Variants in MKLN1 observed in about 807,000 individuals in gnomAD.
MKLN1 encodes the protein muskelin.
A neutral mutation model predicts 99.0 loss-of-function variants in MKLN1; 18 were observed. The observed-to-expected ratio is 0.18, with a 90% CI of 0.13 to 0.27. MKLN1 has a LOEUF of 0.27. MKLN1 is among the 10% of genes least tolerant of loss of function. The probability of loss-of-function intolerance (pLI) is 1.00; values close to 1 mark genes in which losing one functional copy is unlikely to be tolerated. For missense variants in MKLN1, 621 were observed against 875.9 expected (o/e 0.71, Z 3.67); for synonymous variants, 288 against 293.2 (o/e 0.98, Z 0.18).
At chr7:131,203,654 A>G (rs1796763111) in intron 3 of MKLN1, among the ~76,000 whole-genome samples, 1 of 152,210 alleles carries the variant, frequency 6.6e-6, no homozygotes, top group South Asian at 2.1e-4. Context: ...AAATTGGATT[A>G]TTTTAGAAAG....
chr7:131,487,743 G>A lies in MKLN1; in HGVS notation c.*15G>A. 1.9e-6 allele frequency: 3 copies of A among 1,606,402 alleles called. No homozygotes were observed. The highest frequency in any genetic ancestry group is 2.5e-6 in the Non-Finnish European group (3 of 1,177,344). On this transcript the variant is annotated 3_prime_UTR_variant, in exon 18 of 18. Coordinates refer to ENST00000352689, the MANE Select transcript of MKLN1 (RefSeq NM_013255.5). This position sits in a 1 kb window ranked among gnomAD's most constrained non-coding sequence, Gnocchi z 4.7. The stretch of plus-strand genomic sequence containing the variant: ...TCACACTGTAACTGAAGAGTCACTG[G>A]ACACAGAAATGGAAAACAGGAGTCG...
chr7:131,240,143 T>C (rs1403393309), intron 3 of MKLN1, among the ~76,000 whole-genome samples: 2 of 152,182 alleles, frequency 1.3e-5, no homozygotes, highest in East Asian at 3.8e-4. Context: ...ATCATGCCAC[T>C]GTACTCCAGC....
intron 3 of MKLN1, among the ~76,000 whole-genome samples, chr7:131,309,263 C>G (rs894097912): frequency 6.6e-6 from 1 of 152,166 alleles, no homozygotes; most frequent in Non-Finnish European, 1.5e-5. Context: ...TTTTATCTTA[C>G]CATTGTTGAC....
intron 9 of MKLN1, 48 bp from the exon 10 acceptor site, chr7:131,437,737 T>G: frequency 7.3e-7 from 1 of 1,361,100 alleles, no homozygotes; most frequent in Non-Finnish European, 1.0e-6. Flanking sequence ...TTTGATTTTT[T>G]TTTGCTCTTT....
In MKLN1 at chr7:131,487,466, G is replaced by A. The variant is rs757471381; in HGVS notation, c.2087-141G>A. On this transcript the variant is annotated intron_variant, in intron 17 of 17. Coordinates refer to ENST00000352689, the MANE Select transcript of MKLN1 (RefSeq NM_013255.5). This position sits in a 1 kb window ranked among gnomAD's most constrained non-coding sequence, Gnocchi z 4.7. ...CACACCACAGCCAGGTAGTAGAACT[G>A]GGGTCAGATCAGTAGTGTCTGCCTG... 1.5e-5 allele frequency: 12 copies of A among 810,296 alleles called. No individual in the cohort carries two copies. The highest frequency in any genetic ancestry group is 2.0e-5 in the Non-Finnish European group (11 of 537,670). The allele number at this position is 810,296 out of a possible 1,614,324, so 50.2% of individuals were successfully genotyped here.
chr7:131,254,320 A>T (rs1456100691), intron 3 of MKLN1, among the ~76,000 whole-genome samples: 3 of 152,236 alleles, frequency 2.0e-5, no homozygotes, highest in Non-Finnish European at 2.9e-5. Context: ...AAGTATCAGT[A>T]TTCAGAGTTG....
intron 3 of MKLN1, among the ~76,000 whole-genome samples, chr7:131,209,664 T>A (rs930012825): frequency 1.3e-5 from 2 of 152,202 alleles, no homozygotes; most frequent in African/African-American, 4.8e-5. Flanking sequence ...GCCCTGACTT[T>A]GTTTAGGATG....
At chr7:131,455,266 C>G (rs1318491640) in intron 12 of MKLN1, among the ~76,000 whole-genome samples, 1 of 152,054 alleles carries the variant, frequency 6.6e-6, no homozygotes, top group African/African-American at 2.4e-5. Context: ...TTTTATCCCC[C>G]CTCCCACAGG....
intron 4 of MKLN1, among the ~76,000 whole-genome samples, chr7:131,394,834 G>T (rs539959344): frequency 6.6e-6 from 1 of 151,992 alleles, no homozygotes; most frequent in Non-Finnish European, 1.5e-5. Context: ...CAGTGAATCT[G>T]TTGTTACATT....
At chr7:131,368,743 C>G (rs2116827171) in intron 1 of MKLN1, among the ~76,000 whole-genome samples, 1 of 152,176 alleles carries the variant, frequency 6.6e-6, no homozygotes, top group East Asian at 1.9e-4. Flanking sequence ...AGAGTCAAAC[C>G]ATATCAGATT....
intron 1 of MKLN1, among the ~76,000 whole-genome samples, chr7:131,344,518 C>T (rs889873104): frequency 5.9e-5 from 9 of 152,280 alleles, no homozygotes; most frequent in South Asian, 4.1e-4. Flanking sequence ...CAAATTCAGG[C>T]ATGCTTATCC....
At chr7:131,403,285 C>G (rs557668052) in intron 6 of MKLN1, among the ~76,000 whole-genome samples, 1 of 152,306 alleles carries the variant, frequency 6.6e-6, no homozygotes, top group South Asian at 2.1e-4. Flanking sequence ...TAGCTTCCAA[C>G]TTTTCTTTTG....
intron 1 of MKLN1, among the ~76,000 whole-genome samples, chr7:131,338,999 C>T (rs1348791264): frequency 2.0e-5 from 3 of 152,166 alleles, no homozygotes; most frequent in Non-Finnish European, 2.9e-5. Context: ...TATTTTTTCT[C>T]TTCCTTATAG....
At chr7:131,232,932 G>A (rs1418791191) in intron 3 of MKLN1, among the ~76,000 whole-genome samples, 1 of 152,144 alleles carries the variant, frequency 6.6e-6, no homozygotes, top group Non-Finnish European at 1.5e-5. Context: ...TGAGTATGAT[G>A]CTCACTTTAT....
intron 4 of MKLN1, among the ~76,000 whole-genome samples, chr7:131,394,624 C>T (rs924629147): frequency 6.6e-6 from 1 of 151,974 alleles, no homozygotes; most frequent in East Asian, 1.9e-4. Flanking sequence ...AGGTTTGGGC[C>T]TGGGGGTTTG....
At chr7:131,171,444 T>C (rs924795128) in intron 2 of MKLN1, among the ~76,000 whole-genome samples, 12 of 152,038 alleles carry the variant, frequency 7.9e-5, no homozygotes, top group African/African-American at 2.9e-4. Flanking sequence ...TTCTTTATTA[T>C]TGTTTAAATA....
At chr7:131,170,115 C>T (rs942587331) in intron 2 of MKLN1, among the ~76,000 whole-genome samples, 1 of 151,956 alleles carries the variant, frequency 6.6e-6, no homozygotes, top group Admixed American at 6.6e-5. Context: ...AGAGAGAGAG[C>T]GAGCCATTGT....
At chr7:131,465,458 GAAT>G (rs763253411) in intron 14 of MKLN1, among the ~76,000 whole-genome samples, 3 of 152,066 alleles carry the variant, frequency 2.0e-5, no homozygotes, top group Non-Finnish European at 4.4e-5. Context: ...TTGAATTATG[GAAT>G]AATGTTTTTA....
At chr7:131,254,375 G>A (rs531373371) in intron 3 of MKLN1, among the ~76,000 whole-genome samples, 2 of 152,202 alleles carry the variant, frequency 1.3e-5, no homozygotes, top group South Asian at 2.1e-4. Context: ...ACAAAAATAC[G>A]AGACATTCAC....
Sources: gnomAD v4.1 joint callset for allele counts (sites outside exome capture counted in the v4.1 genomes callset) on GRCh38, gnomAD v4.1.1 for gene constraint, Gnocchi (gnomAD v3.1) non-coding constraint, MANE v1.5 for transcripts, NCBI Gene and HGNC (gene_info 2026-07-23, HGNC 2026-07-21) for gene names.